Variants in CCSER1 observed in about 807,000 individuals in gnomAD.
CCSER1 encodes serine-rich coiled-coil domain-containing protein 1.
Under a neutral mutation model 82.0 loss-of-function variants are expected in CCSER1, and 41 were observed. That is an observed-to-expected ratio of 0.50 (90% CI 0.39 to 0.65). The LOEUF (loss-of-function observed/expected upper bound fraction) is 0.65, where lower values mean the gene tolerates loss of function less well. CCSER1 is among the 30% of genes least tolerant of loss of function. The probability of loss-of-function intolerance (pLI) is 0.00; values close to 1 mark genes in which losing one functional copy is unlikely to be tolerated. For missense variants in CCSER1, 1,119 were observed against 1,064.2 expected (o/e 1.05, Z -0.72); for synonymous variants, 414 against 383.9 (o/e 1.08, Z -0.92).
At chr4:90,265,178 A>G (rs1725019821) in intron 1 of CCSER1, among the ~76,000 whole-genome samples, 1 of 151,938 alleles carries the variant, frequency 6.6e-6, no homozygotes, top group African/African-American at 2.4e-5. Flanking sequence ...TTAGTTCTTA[A>G]AATAATTATA....
chr4:90,167,905 T>C (rs1730827908), intron 1 of CCSER1, among the ~76,000 whole-genome samples: 1 of 152,126 alleles, frequency 6.6e-6, no homozygotes, highest in African/African-American at 2.4e-5. Flanking sequence ...TCCAAGTCTT[T>C]GCTATTGTGA....
intron 9 of CCSER1, among the ~76,000 whole-genome samples, chr4:90,973,594 A>G (rs776265048): frequency 6.6e-6 from 1 of 151,740 alleles, no homozygotes; most frequent in Non-Finnish European, 1.5e-5. Flanking sequence ...TATGAAAAAC[A>G]GTATGGAGAT....
chr4:90,413,812 A>T (rs568661153), intron 4 of CCSER1, among the ~76,000 whole-genome samples: 3 of 149,486 alleles, frequency 2.0e-5, no homozygotes, highest in Admixed American at 2.0e-4. Context: ...AGCCGCGCGT[A>T]GTGGCGGGCG....
At chr4:91,256,487 C>T (rs112207592) in intron 10 of CCSER1, among the ~76,000 whole-genome samples, 5 of 152,120 alleles carry the variant, frequency 3.3e-5, no homozygotes, top group African/African-American at 4.8e-5. Flanking sequence ...CTTTGAAAAT[C>T]GCTAATAAAA....
chr4:91,503,753 G>A (rs1436295506), intron 10 of CCSER1, among the ~76,000 whole-genome samples: 1 of 152,124 alleles, frequency 6.6e-6, no homozygotes, highest in South Asian at 2.1e-4. Flanking sequence ...ATTTAGACCA[G>A]AACTTGAGAA....
chr4:91,194,867 T>TTAAAG, intron 10 of CCSER1, among the ~76,000 whole-genome samples: 1 of 152,230 alleles, frequency 6.6e-6, no homozygotes, highest in African/African-American at 2.4e-5. Flanking sequence ...TTAATTGGAG[T>TTAAAG]CTTTAACAGA....
intron 10 of CCSER1, among the ~76,000 whole-genome samples, chr4:91,089,661 C>T (rs1450288936): frequency 6.6e-6 from 1 of 152,098 alleles, no homozygotes; most frequent in African/African-American, 2.4e-5. Context: ...TGAAGAAGTA[C>T]AGGTAGCAAA....
intron 5 of CCSER1, among the ~76,000 whole-genome samples, chr4:90,576,076 C>A (rs1780730854): frequency 6.6e-6 from 1 of 151,006 alleles, no homozygotes; most frequent in South Asian, 2.1e-4. Flanking sequence ...GTTTCTAGTT[C>A]TTGGGGTTGT....
intron 1 of CCSER1, among the ~76,000 whole-genome samples, chr4:90,263,980 C>G (rs1560903131): frequency 6.6e-6 from 1 of 152,200 alleles, no homozygotes; most frequent in African/African-American, 2.4e-5. Context: ...ACCCCCCTAA[C>G]TTTGCCCCCA....
At position 91,451,402 on chromosome 4, in the gene CCSER1, T is replaced by C. The variant is rs191162939; in HGVS notation, c.2218-147170T>C. Among the ~76,000 whole-genome samples the C allele has an allele frequency of 6.8e-4, 103 of 152,110 alleles. 1 individual carries two copies. The highest frequency in any genetic ancestry group is 2.4e-3 in the African/African-American group (101 of 41,524). On this transcript the variant is annotated intron_variant, in intron 10 of 10. Coordinates refer to ENST00000509176, the MANE Select transcript of CCSER1 (RefSeq NM_001145065.2). ...ATCATACTATTTCCAACTAGCTTAGTTGCAAACTAAAGTAAATTTGAAAAA... is the reference window on the plus strand; with the variant it reads ...ATCATACTATTTCCAACTAGCTTAGCTGCAAACTAAAGTAAATTTGAAAAA...
At chr4:91,324,774 G>A (rs932457453) in intron 10 of CCSER1, among the ~76,000 whole-genome samples, 5 of 152,064 alleles carry the variant, frequency 3.3e-5, no homozygotes, top group Non-Finnish European at 5.9e-5. Context: ...GCAAGGTGCC[G>A]GACTTTTTCT....
intron 6 of CCSER1, among the ~76,000 whole-genome samples, chr4:90,632,167 A>C (rs1724568744): frequency 6.6e-6 from 1 of 151,906 alleles, no homozygotes; most frequent in Non-Finnish European, 1.5e-5. Flanking sequence ...CTTCTTTCTA[A>C]ATTTTTTTGT....
At chr4:90,229,804 AG>A (rs1455009237) in intron 1 of CCSER1, among the ~76,000 whole-genome samples, 3 of 152,208 alleles carry the variant, frequency 2.0e-5, no homozygotes, top group Non-Finnish European at 2.9e-5. Flanking sequence ...AAACAAAAAA[AG>A]GCAGGGGTTG....
intron 10 of CCSER1, among the ~76,000 whole-genome samples, chr4:91,154,478 G>A (rs1375952814): frequency 6.7e-6 from 1 of 149,940 alleles, no homozygotes; most frequent in Non-Finnish European, 1.5e-5. Flanking sequence ...CAATGCCAAT[G>A]CGTTGCCCTG....
intron 10 of CCSER1, among the ~76,000 whole-genome samples, chr4:91,116,312 T>C (rs948163423): frequency 2.6e-5 from 4 of 152,112 alleles, no homozygotes; most frequent in African/African-American, 9.7e-5. Flanking sequence ...CTTTTTCTAG[T>C]GAGAAACCAC....
chr4:90,499,824 C>A (rs1400464632), intron 5 of CCSER1, among the ~76,000 whole-genome samples: 2 of 152,134 alleles, frequency 1.3e-5, no homozygotes, highest in Non-Finnish European at 2.9e-5. Flanking sequence ...ACTATTTGGA[C>A]TATTTTGCTA....
At chr4:91,072,753 C>T (rs1415163267) in intron 9 of CCSER1, among the ~76,000 whole-genome samples, 1 of 151,982 alleles carries the variant, frequency 6.6e-6, no homozygotes, top group Non-Finnish European at 1.5e-5. Flanking sequence ...CTCTCCTTCC[C>T]TCAATTTTTC....
chr4:90,225,938 G>A (rs775720075), intron 1 of CCSER1, among the ~76,000 whole-genome samples: 1 of 152,276 alleles, frequency 6.6e-6, no homozygotes, highest in East Asian at 1.9e-4. Context: ...CTAATAGAAT[G>A]TGGTATAAGT....
chr4:91,246,731 G>T (rs1237680611), intron 10 of CCSER1, among the ~76,000 whole-genome samples: 1 of 151,872 alleles, frequency 6.6e-6, no homozygotes, highest in Non-Finnish European at 1.5e-5. Flanking sequence ...CATATTGCAT[G>T]TCTATATTAA....
Sources: allele counts gnomAD v4.1 joint callset (sites outside exome capture counted in the v4.1 genomes callset), GRCh38; gene constraint gnomAD v4.1.1; transcripts MANE v1.5; gene names NCBI Gene and HGNC (gene_info 2026-07-23, HGNC 2026-07-21).